PDIA6: variants seen among roughly 807,000 people sequenced by gnomAD.
The protein encoded by PDIA6 is protein disulfide isomerase family A member 6, also known as protein disulfide-isomerase A6.
PDIA6 carries 29 observed loss-of-function variants against 58.4 expected under a neutral mutation model. The ratio of observed to expected loss-of-function variants is 0.50; its 90% CI spans 0.37 to 0.68. The LOEUF (loss-of-function observed/expected upper bound fraction) is 0.68, where lower values mean the gene tolerates loss of function less well. PDIA6 is among the 30% of genes least tolerant of loss of function. The pLI is 0.00. For synonymous variants in PDIA6, 192 were observed against 202.6 expected, an observed-to-expected ratio of 0.95 and a Z score of 0.44; for missense variants, 480 against 551.0, an observed-to-expected ratio of 0.87 and a Z score of 1.29.
At chr2:10,789,110 A>G in intron 8 of PDIA6, 129 bp from the exon 9 acceptor site, 1 of 697,358 alleles carries the variant, frequency 1.4e-6, no homozygotes, top group South Asian at 1.6e-5. Flanking sequence ...ACTTCCTCGT[A>G]TGGAAACACC....
rs111890561 is a variant in PDIA6 at position 10,790,968 on chromosome 2, T to A, written c.585-135A>T. 3,768 of 637,904 alleles carry A rather than the reference T, an allele frequency of 5.9e-3. 111 individuals are homozygous for A. In the African/African-American group the frequency reaches 0.06, roughly 10 times the overall value. 39.5% of individuals were successfully genotyped at this position (637,904 alleles called of 1,614,324 possible). A position where few individuals can be genotyped will look rare whatever the true frequency, so the allele number is the denominator to read the frequency against. ...GGGCTCAGGTGATCTCATTTCAGCC[T>A]CCAACATAGCTGGGACTACAGGTGT... On this transcript the variant is annotated intron_variant, in intron 6 of 12. Transcript: ENST00000272227.
Position 10,788,962 on chromosome 2 carries a change from G to C in PDIA6, c.860C>G (p.Ala287Gly). The C allele has an allele frequency of 1.2e-6, 2 of 1,613,914 alleles. No homozygotes were observed. The highest frequency in any genetic ancestry group is 1.7e-6 in the Non-Finnish European group (2 of 1,179,778). Residue 287 changes from alanine to glycine, a missense_variant, in exon 9 of 13, where the codon GCC becomes GGC. Physicochemically the swap from Ala to Gly is moderately conservative, Grantham distance 60 (BLOSUM62 0). Transcript: ENST00000272227. ...ELLEIINEDI[A>G]KRTCEEHQLC... ...CTGGTGCTCCTCACACGTCCTCTTG[G>C]CAATGTCCTCGTTGATAATCTGTGG...
chr2:10,802,321 A>G (rs2148552837), intron 2 of PDIA6, among the ~76,000 whole-genome samples, 178 bp downstream of exon 2: 1 of 152,310 alleles, frequency 6.6e-6, no homozygotes, highest in Middle Eastern at 3.4e-3. Context: ...TCATCAAAAG[A>G]CAGATCTTCC....
chr2:10,824,674 G>A (rs1667500070), intron 1 of PDIA6, among the ~76,000 whole-genome samples: 1 of 152,256 alleles, frequency 6.6e-6, no homozygotes, highest in South Asian at 2.1e-4. Context: ...CCCACGTGGG[G>A]ATGAAGCTGA....
At chr2:10,808,934 TC>T (rs1461347223) in intron 1 of PDIA6, among the ~76,000 whole-genome samples, 5 of 152,132 alleles carry the variant, frequency 3.3e-5, no homozygotes, top group African/African-American at 1.2e-4. Flanking sequence ...CAAGCGATTC[TC>T]CCGTCTCAGG....
intron 2 of PDIA6, among the ~76,000 whole-genome samples, 163 bp downstream of exon 2, chr2:10,802,333 TAAC>T (rs1418315349): frequency 6.6e-6 from 1 of 152,166 alleles, no homozygotes; most frequent in Non-Finnish European, 1.5e-5. Context: ...AGATCTTCCT[TAAC>T]AACAGACTAG....
Position 10,827,836 on chromosome 2 carries a change from A to AT in PDIA6, c.-48+4365dup, listed in dbSNP as rs149720114. Among the ~76,000 whole-genome samples the AT allele has an allele frequency of 1.0e-4, 15 of 149,620 alleles. 1 individual carries two copies. The highest frequency in any genetic ancestry group is 3.9e-4 in the East Asian group (2 of 5,122). On this transcript the variant is annotated intron_variant, in intron 1 of 13. Coordinates refer to the PDIA6 transcript ENST00000381611. Reference sequence around the variant, plus strand: ...ACGACTCTGTCTCAAAAAAAAAAAAATTTTTTTTTTCTTGCAATTCTTTAG... The same window carrying AT: ...ACGACTCTGTCTCAAAAAAAAAAAAATTTTTTTTTTTCTTGCAATTCTTTAG...
In PDIA6 at chr2:10,784,139, ACTT is replaced by A; in HGVS notation, c.*116_*118del. 1 of 603,816 alleles carries A rather than the reference ACTT, an allele frequency of 1.7e-6. No individual in the cohort carries two copies. Among genetic ancestry groups the A allele is most frequent in the Non-Finnish European group, 2.8e-6 (1 of 353,228 alleles). 37.4% of individuals were successfully genotyped at this position (603,816 alleles called of 1,614,324 possible). A position where few individuals can be genotyped will look rare whatever the true frequency, so the allele number is the denominator to read the frequency against. ...GTTTTCAAATGACCAATCAAGTACT[ACTT>A]CTTGGTTAAAAGGCCACTGGTAGAG... On this transcript the variant is annotated 3_prime_UTR_variant, in exon 13 of 13. Coordinates refer to ENST00000272227, the MANE Select transcript of PDIA6 (RefSeq NM_005742.4).
At chr2:10,812,550 G>C in intron 1 of PDIA6, 128 bp downstream of exon 1, 1 of 950,706 alleles carries the variant, frequency 1.1e-6, no homozygotes, top group Non-Finnish European at 1.4e-6. Context: ...GCCGAGGCCC[G>C]CGCCTCCCGC....
chr2:10,828,114 C>G (rs1195069850), intron 1 of PDIA6, among the ~76,000 whole-genome samples: 1 of 151,928 alleles, frequency 6.6e-6, no homozygotes, highest in Admixed American at 6.6e-5. Flanking sequence ...ACCTCATTAT[C>G]CCCCAGAGCC....
rs557905061 is a variant in PDIA6 at position 10,795,801 on chromosome 2, C to T, written c.346+1280G>A. 5.3e-5 allele frequency among the ~76,000 whole-genome samples: 8 copies of T among 152,250 alleles called. No homozygotes were observed. The South Asian group carries it at 1.4e-3, about 28-fold the overall frequency. On this transcript the variant is annotated intron_variant, in intron 4 of 12. Transcript: ENST00000272227. ...TATTAGCTGGACTCAGGCAAGTCACCGATGACAGACAACTCTTTTACTACG... is the reference window on the plus strand; with the variant it reads ...TATTAGCTGGACTCAGGCAAGTCACTGATGACAGACAACTCTTTTACTACG...
chr2:10,792,226 G>A (rs1253516787), intron 5 of PDIA6, among the ~76,000 whole-genome samples: 2 of 152,190 alleles, frequency 1.3e-5, no homozygotes, highest in African/African-American at 4.8e-5. Flanking sequence ...AAAACCACCT[G>A]AACAACACTG....
intron 1 of PDIA6, 128 bp downstream of exon 1, chr2:10,812,550 G>T: frequency 1.1e-6 from 1 of 950,704 alleles, no homozygotes; most frequent in Non-Finnish European, 1.4e-6. Context: ...GCCGAGGCCC[G>T]CGCCTCCCGC....
intron 1 of PDIA6, among the ~76,000 whole-genome samples, chr2:10,811,048 C>T (rs1666981538): frequency 6.6e-6 from 1 of 152,158 alleles, no homozygotes; most frequent in South Asian, 2.1e-4. Context: ...TCTACAGTCC[C>T]AGAGCAGTCA....
intron 2 of PDIA6, among the ~76,000 whole-genome samples, chr2:10,818,430 G>T (rs372724050): frequency 6.6e-6 from 1 of 151,714 alleles, no homozygotes; most frequent in Non-Finnish European, 1.5e-5. Flanking sequence ...GCCTCCCAAA[G>T]TGTTGGGATT....
At chr2:10,796,797 G>A (rs867900343) in intron 4 of PDIA6, among the ~76,000 whole-genome samples, 37 of 152,206 alleles carry the variant, frequency 2.4e-4, no homozygotes, top group African/African-American at 8.4e-4. Context: ...TTAAATACAA[G>A]TGACTGTAAT....
chr2:10,789,337 C>T (rs1378756189), intron 8 of PDIA6, among the ~76,000 whole-genome samples: 1 of 127,150 alleles, frequency 7.9e-6, no homozygotes, highest in Non-Finnish European at 1.6e-5. Flanking sequence ...CTCTGTGCCT[C>T]AATTTCCCCA....
upstream of PDIA6, among the ~76,000 whole-genome samples, chr2:10,814,547 T>C (rs1667134300): frequency 6.6e-6 from 1 of 152,232 alleles, no homozygotes; most frequent in African/African-American, 2.4e-5. Context: ...TTTGTTTTTC[T>C]GACCCCTTTC....
At chr2:10,809,668 A>AC (rs1354711516) in intron 1 of PDIA6, among the ~76,000 whole-genome samples, 20,886 of 130,114 alleles carry the variant, frequency 0.16, 2,592 homozygotes, top group East Asian at 0.33. Context: ...AAAAAAAAAA[A>AC]AAAACCCAAA....
Sources: allele counts gnomAD v4.1 joint callset (sites outside exome capture counted in the v4.1 genomes callset), GRCh38; gene constraint gnomAD v4.1.1; transcripts MANE v1.5; gene names NCBI Gene and HGNC (gene_info 2026-07-23, HGNC 2026-07-21).